Variants in KCNIP4 observed in about 807,000 individuals in gnomAD.
KCNIP4 encodes the protein Kv channel-interacting protein 4.
KCNIP4 carries 12 observed loss-of-function variants against 34.0 expected under a neutral mutation model. The ratio of observed to expected loss-of-function variants is 0.35; its 90% CI spans 0.23 to 0.57. KCNIP4 has a LOEUF of 0.57. KCNIP4 is among the 20% of genes least tolerant of loss of function. The pLI is 0.83. For synonymous variants in KCNIP4, 124 were observed against 102.2 expected, an observed-to-expected ratio of 1.21 and a Z score of -1.29; for missense variants, 238 against 311.7, an observed-to-expected ratio of 0.76 and a Z score of 1.78.
chr4:21,253,040 C>G (rs1183020241), intron 1 of KCNIP4, among the ~76,000 whole-genome samples: 1 of 152,154 alleles, frequency 6.6e-6, no homozygotes, highest in Non-Finnish European at 1.5e-5. Flanking sequence ...TAAGATTTTA[C>G]AGAAGTACAA....
chr4:20,896,212 A>G (rs1726514078), intron 1 of KCNIP4, among the ~76,000 whole-genome samples: 1 of 152,072 alleles, frequency 6.6e-6, no homozygotes, highest in South Asian at 2.1e-4. Flanking sequence ...ACCCAACGCT[A>G]AGAGACAAGT....
At position 20,929,998 on chromosome 4, in the gene KCNIP4, A is replaced by C. The variant is rs7678620; in HGVS notation, c.62-47289T>G. Among the ~76,000 whole-genome samples the C allele has an allele frequency of 5.7e-3, 873 of 152,008 alleles. 11 individuals are homozygous for C. The highest frequency in any genetic ancestry group is 0.02 in the African/African-American group (828 of 41,474). The stretch of plus-strand genomic sequence containing the variant: ...TTCTATCAAAATTTCAAGGATATGC[A>C]TCACAGAAATAGAAAAAAAATTCTT... On this transcript the variant is annotated intron_variant, in intron 1 of 8. Transcript: ENST00000382152.
chr4:20,787,909 G>GT (rs1712222503), intron 3 of KCNIP4, among the ~76,000 whole-genome samples: 2 of 151,960 alleles, frequency 1.3e-5, no homozygotes, highest in South Asian at 4.1e-4. Flanking sequence ...ACTTATGAAG[G>GT]TTTTTAATAT....
chr4:21,935,867 G>A (rs1002181853), intron 1 of KCNIP4, among the ~76,000 whole-genome samples: 3 of 151,708 alleles, frequency 2.0e-5, no homozygotes, highest in African/African-American at 7.3e-5. Flanking sequence ...GGTGATATAG[G>A]TTCTCTTCAG....
intron 1 of KCNIP4, among the ~76,000 whole-genome samples, chr4:21,907,725 T>C (rs1298443915): frequency 1.3e-5 from 2 of 152,164 alleles, no homozygotes; most frequent in Admixed American, 6.6e-5. Context: ...AGCAGATTTT[T>C]AAATATTTTT....
chr4:21,833,475 C>T (rs370100845), intron 1 of KCNIP4, among the ~76,000 whole-genome samples: 28 of 152,050 alleles, frequency 1.8e-4, no homozygotes, highest in East Asian at 3.9e-4. Context: ...GAGTTCATTG[C>T]AGATTCTGGA....
chr4:21,038,549 G>A (rs150086272), intron 1 of KCNIP4, among the ~76,000 whole-genome samples: 1 of 152,182 alleles, frequency 6.6e-6, no homozygotes, highest in African/African-American at 2.4e-5. Flanking sequence ...CCCTTTGGTT[G>A]AAGGAGGGCT....
chr4:21,166,083 G>A (rs1418194634), intron 1 of KCNIP4, among the ~76,000 whole-genome samples: 3 of 152,252 alleles, frequency 2.0e-5, no homozygotes, highest in Admixed American at 2.0e-4. Context: ...CTCCAGAACT[G>A]TGAGCAATAT....
intron 1 of KCNIP4, among the ~76,000 whole-genome samples, chr4:21,095,965 G>A (rs1462896138): frequency 6.6e-6 from 1 of 152,028 alleles, no homozygotes; most frequent in Non-Finnish European, 1.5e-5. Context: ...AATACATAAT[G>A]TATATACTTC....
intron 2 of KCNIP4, among the ~76,000 whole-genome samples, chr4:20,866,281 CAGCAGCACATCAAAA>C (rs748641345): frequency 1.3e-5 from 2 of 151,964 alleles, no homozygotes; most frequent in Admixed American, 6.6e-5. Flanking sequence ...ATATTGAATC[CAGCAGCACATCAAAA>C]AGTTAATACG....
At chr4:21,424,770 G>A (rs987631875) in intron 1 of KCNIP4, among the ~76,000 whole-genome samples, 6 of 152,136 alleles carry the variant, frequency 3.9e-5, no homozygotes, top group African/African-American at 1.4e-4. Context: ...GAAAATCACA[G>A]AATGTTATCC....
At chr4:21,131,030 G>C (rs1337738493) in intron 1 of KCNIP4, among the ~76,000 whole-genome samples, 2 of 152,070 alleles carry the variant, frequency 1.3e-5, no homozygotes, top group Non-Finnish European at 2.9e-5. Context: ...TAATCTAGTT[G>C]AAAAATCCTA....
intron 1 of KCNIP4, among the ~76,000 whole-genome samples, chr4:21,714,355 GAGA>G (rs1352371915): frequency 2.0e-5 from 3 of 151,960 alleles, no homozygotes; most frequent in African/African-American, 7.3e-5. Flanking sequence ...TGTTCTTTGA[GAGA>G]AGGCCACAGC....
intron 1 of KCNIP4, among the ~76,000 whole-genome samples, chr4:20,900,867 T>C (rs1727088942): frequency 6.6e-6 from 1 of 152,104 alleles, no homozygotes; most frequent in African/African-American, 2.4e-5. Flanking sequence ...AAAGCAATAT[T>C]GTGTTCTCGA....
intron 1 of KCNIP4, among the ~76,000 whole-genome samples, chr4:20,931,037 T>C (rs1219571334): frequency 2.0e-5 from 3 of 151,908 alleles, no homozygotes; most frequent in African/African-American, 4.8e-5. Context: ...CTCTTTTGAG[T>C]AGGTAACCAA....
intron 1 of KCNIP4, among the ~76,000 whole-genome samples, chr4:21,766,278 G>A (rs1225059784): frequency 3.9e-5 from 6 of 152,120 alleles, no homozygotes; most frequent in Admixed American, 3.3e-4. Context: ...GGCGTATACC[G>A]ATCTCATTTA....
chr4:21,611,249 T>C (rs544522289), intron 1 of KCNIP4, among the ~76,000 whole-genome samples: 12 of 152,316 alleles, frequency 7.9e-5, no homozygotes, highest in Admixed American at 6.5e-4. Flanking sequence ...TCCAAGACTT[T>C]GCTATTGTGA....
chr4:20,778,240 TATTA>T (rs1160278071), intron 3 of KCNIP4, among the ~76,000 whole-genome samples: 1 of 152,200 alleles, frequency 6.6e-6, no homozygotes, highest in Non-Finnish European at 1.5e-5. Context: ...TGTGCCAGTT[TATTA>T]ATTTACTTGT....
chr4:20,938,187 G>A (rs1246352407), intron 1 of KCNIP4, among the ~76,000 whole-genome samples: 2 of 140,344 alleles, frequency 1.4e-5, no homozygotes, highest in Admixed American at 7.5e-5. Flanking sequence ...TCTCATACAC[G>A]AAATTTTGCT....
Sources: gnomAD v4.1 joint callset for allele counts (sites outside exome capture counted in the v4.1 genomes callset) on GRCh38, gnomAD v4.1.1 for gene constraint, MANE v1.5 for transcripts, NCBI Gene and HGNC (gene_info 2026-07-23, HGNC 2026-07-21) for gene names.